The following ADGRB3 variants were observed in gnomAD, a reference collection of about 807,000 sequenced individuals.
The protein encoded by ADGRB3 is brain-specific angiogenesis inhibitor 3.
In ADGRB3, 37 loss-of-function variants were observed where a neutral mutation model predicts 193.4. That is an observed-to-expected ratio of 0.19 (90% CI 0.15 to 0.25). ADGRB3 has a LOEUF of 0.25. Ranked by LOEUF, ADGRB3 falls within the 10% of genes least tolerant of loss-of-function variation. The pLI, the probability that ADGRB3 is intolerant of heterozygous loss-of-function variation, is 1.00. For synonymous variants in ADGRB3, 690 were observed against 644.2 expected, an observed-to-expected ratio of 1.07 and a Z score of -1.08; for missense variants, 1,637 against 1,852.9, an observed-to-expected ratio of 0.88 and a Z score of 2.14.
intron 20 of ADGRB3, among the ~76,000 whole-genome samples, chr6:69,245,344 T>C (rs984365696): frequency 6.6e-6 from 1 of 152,140 alleles, no homozygotes; most frequent in African/African-American, 2.4e-5. Flanking sequence ...GAAGTAATTT[T>C]CAAATTGTGC....
intron 3 of ADGRB3, among the ~76,000 whole-genome samples, chr6:68,823,502 A>G (rs528696181): frequency 6.6e-6 from 1 of 152,144 alleles, no homozygotes; most frequent in Non-Finnish European, 1.5e-5. Context: ...GCAGAAGATA[A>G]TATGTTTTAT....
intron 3 of ADGRB3, among the ~76,000 whole-genome samples, chr6:68,763,928 C>G (rs1205347192): frequency 6.6e-6 from 1 of 151,936 alleles, no homozygotes; most frequent in African/African-American, 2.4e-5. Context: ...CAAAAATTAA[C>G]CTGGTGTGTT....
rs546494527 is a variant in ADGRB3, at chr6:68,746,457, A to G, written c.757+107025A>G. ...ATAAAAATGTTTATAATTTTTATAT[A>G]ATCAAATAAACTGGAATTTGTTTGA... On this transcript the variant is annotated intron_variant, in intron 3 of 31. Coordinates refer to ENST00000370598, the MANE Select transcript of ADGRB3 (RefSeq NM_001704.3). 7.9e-5 allele frequency among the ~76,000 whole-genome samples: 12 copies of G among 152,200 alleles called. No homozygotes were observed. In the South Asian group the frequency reaches 2.5e-3, roughly 32 times the overall value.
intron 27 of ADGRB3, 21 bp downstream of exon 27, chr6:69,354,349 G>T (rs754811046): frequency 1.3e-6 from 2 of 1,559,036 alleles, no homozygotes; most frequent in Non-Finnish European, 1.8e-6. Context: ...ATTTTTCCCC[G>T]ATTGTTAATT....
intron 29 of ADGRB3, among the ~76,000 whole-genome samples, chr6:69,362,869 A>G (rs1769482288): frequency 6.6e-6 from 1 of 152,022 alleles, no homozygotes; most frequent in Non-Finnish European, 1.5e-5. Context: ...ACTACAAAAT[A>G]TTTATGCAAA....
chr6:68,868,733 G>A (rs895134231), intron 3 of ADGRB3, among the ~76,000 whole-genome samples: 1 of 152,110 alleles, frequency 6.6e-6, no homozygotes, highest in African/African-American at 2.4e-5. Flanking sequence ...ATCTTTCTCT[G>A]AGATGCTTTG....
At chr6:69,161,608 T>A (rs1479099177) in intron 17 of ADGRB3, among the ~76,000 whole-genome samples, 4 of 152,126 alleles carry the variant, frequency 2.6e-5, no homozygotes, top group African/African-American at 9.7e-5. Context: ...ATTTACTGAC[T>A]TAAAATAATG....
intron 3 of ADGRB3, among the ~76,000 whole-genome samples, chr6:68,798,656 C>T (rs1767257832): frequency 6.6e-6 from 1 of 152,112 alleles, no homozygotes; most frequent in Admixed American, 6.6e-5. Context: ...ACGTTCTGCA[C>T]GTGTACCCCA....
chr6:68,925,404 A>G (rs1767151809), intron 3 of ADGRB3, among the ~76,000 whole-genome samples: 1 of 151,956 alleles, frequency 6.6e-6, no homozygotes, highest in East Asian at 1.9e-4. Context: ...ATGAGCCTAT[A>G]AGGCATTAAA....
rs951266789 is a variant in ADGRB3 at position 69,223,980 on chromosome 6, A to AT, written c.2481-9300dup. Among the ~76,000 whole-genome samples, 317 of 149,772 alleles carry AT rather than the reference A, an allele frequency of 2.1e-3. 1 individual carries two copies. The highest frequency in any genetic ancestry group is 6.9e-3 in the African/African-American group (283 of 40,854). On this transcript the variant is annotated intron_variant, in intron 17 of 31. Transcript: ENST00000370598. ...CCTTTTTCTTTTGAATCTCAAAAGA[A>AT]TTTTTTTTTTCAGATTGCAGAAGTA...
At chr6:69,055,962 C>T (rs1771534836) in intron 15 of ADGRB3, among the ~76,000 whole-genome samples, 1 of 152,036 alleles carries the variant, frequency 6.6e-6, no homozygotes, top group South Asian at 2.1e-4. Flanking sequence ...TCCCAAGTAG[C>T]AGAGATTACA....
chr6:69,015,579 T>C lies in ADGRB3; in HGVS notation c.1998+1473T>C, dbSNP rs189249737. Among the ~76,000 whole-genome samples, 273 of 152,114 alleles carry C rather than the reference T, an allele frequency of 1.8e-3. 1 individual carries two copies. The highest frequency in any genetic ancestry group is 6.4e-3 in the African/African-American group (266 of 41,526). On this transcript the variant is annotated intron_variant, in intron 12 of 31. Transcript: ENST00000370598. ...CGGTGAACTTTGTGGAAATAGATGC[T>C]GTTTAAAATCTATCAAAGATAATCC...
At chr6:68,916,626 C>A (rs1361991460) in intron 3 of ADGRB3, among the ~76,000 whole-genome samples, 1 of 152,050 alleles carries the variant, frequency 6.6e-6, no homozygotes, top group East Asian at 1.9e-4. Flanking sequence ...TGTATAAGTA[C>A]TTTGTATTTG....
At chr6:69,228,317 G>A (rs1207152629) in intron 17 of ADGRB3, among the ~76,000 whole-genome samples, 3 of 152,136 alleles carry the variant, frequency 2.0e-5, no homozygotes, top group African/African-American at 7.2e-5. Flanking sequence ...TAGTAAGTGA[G>A]AAACAGTGTC....
Position 69,361,531 on chromosome 6 carries a change from A to T in ADGRB3, c.4239+19A>T, listed in dbSNP as rs1008477532. The T allele has an allele frequency of 8.8e-6, 14 of 1,595,578 alleles. No homozygotes were observed. The highest frequency in any genetic ancestry group is 1.2e-5 in the Non-Finnish European group (14 of 1,170,216). ...TTTAGAGGTGAGCCACAGAAGATTA[A>T]ATTTTTCCTTGATAGTTGAAATATG... On this transcript the variant is annotated intron_variant, in intron 29 of 31. Coordinates refer to ENST00000370598, the MANE Select transcript of ADGRB3 (RefSeq NM_001704.3).
intron 11 of ADGRB3, among the ~76,000 whole-genome samples, chr6:68,999,961 A>T (rs1315583044): frequency 6.9e-6 from 1 of 145,946 alleles, no homozygotes; most frequent in Non-Finnish European, 1.5e-5. Context: ...CAGAGGAAAA[A>T]AAGAAAAAAA....
chr6:69,018,520 C>A, intron 13 of ADGRB3, 21 bp downstream of exon 13: 1 of 1,530,764 alleles, frequency 6.5e-7, no homozygotes, highest in Non-Finnish European at 9.0e-7. Flanking sequence ...GGATTTTCCC[C>A]CAAAATCTTT....
At chr6:68,655,592 G>A (rs1397410582) in intron 3 of ADGRB3, among the ~76,000 whole-genome samples, 1 of 151,686 alleles carries the variant, frequency 6.6e-6, no homozygotes, top group Non-Finnish European at 1.5e-5. Context: ...CCTCAGAAAT[G>A]TATTGCATCT....
intron 3 of ADGRB3, among the ~76,000 whole-genome samples, chr6:68,914,928 A>G (rs1184107362): frequency 3.9e-5 from 6 of 152,210 alleles, no homozygotes; most frequent in Admixed American, 3.9e-4. Context: ...TAAAATCTAC[A>G]AAACAGTTGA....
Sources: allele counts gnomAD v4.1 joint callset (sites outside exome capture counted in the v4.1 genomes callset), GRCh38; gene constraint gnomAD v4.1.1; transcripts MANE v1.5; gene names NCBI Gene and HGNC (gene_info 2026-07-23, HGNC 2026-07-21).